Variants in CSPP1 observed in about 807,000 individuals in gnomAD.
CSPP1 encodes the protein centrosome and spindle pole associated protein 1.
CSPP1 carries 126 observed loss-of-function variants against 164.4 expected under a neutral mutation model. That is an observed-to-expected ratio of 0.77 (90% CI 0.66 to 0.89). The LOEUF is 0.89. CSPP1 is among the 40% of genes least tolerant of loss of function. The probability of loss-of-function intolerance (pLI) is 0.00; values close to 1 mark genes in which losing one functional copy is unlikely to be tolerated. For synonymous variants in CSPP1, 472 were observed against 476.7 expected (o/e 0.99, Z 0.13); for missense variants, 1,395 against 1,449.8 (o/e 0.96, Z 0.61).
At chr8:67,131,327 C>T (rs2129554081) in intron 15 of CSPP1, among the ~76,000 whole-genome samples, 1 of 152,176 alleles carries the variant, frequency 6.6e-6, no homozygotes, top group South Asian at 2.1e-4. Context: ...ATCAAGGCTG[C>T]AGTCAGCTAT....
chr8:67,078,133 G>A (rs113720891), intron 3 of CSPP1, among the ~76,000 whole-genome samples: 3,033 of 152,060 alleles, frequency 0.02, 70 homozygotes, highest in South Asian at 0.046. Flanking sequence ...CACTAAGGTC[G>A]CTAAGGTTAG....
rs193192483 is a variant in CSPP1, at chr8:67,112,450, A to C, written c.1187+385A>C. ...ATGCACACACACATACATGCAAAAA[A>C]AATTGTATCCTATAAATTTAACATT... On this transcript the variant is annotated intron_variant, in intron 10 of 30. Coordinates refer to ENST00000678616, the MANE Select transcript of CSPP1 (RefSeq NM_001382391.1). Among the ~76,000 whole-genome samples, 613 of 151,940 alleles carry C rather than the reference A, an allele frequency of 4.0e-3. 1 individual carries two copies. The highest frequency in any genetic ancestry group is 8.9e-3 in the South Asian group (43 of 4,806).
intron 6 of CSPP1, among the ~76,000 whole-genome samples, chr8:67,094,134 A>AG (rs1351017566): frequency 2.7e-5 from 4 of 149,788 alleles, no homozygotes; most frequent in African/African-American, 7.3e-5. Flanking sequence ...AAAAAAAAAA[A>AG]AAAAAAAAAA....
At chr8:67,103,188 A>T in intron 8 of CSPP1, 53 bp downstream of exon 8, 1 of 1,105,612 alleles carries the variant, frequency 9.0e-7, no homozygotes, top group Non-Finnish European at 1.4e-6. Context: ...GTGAAACAGA[A>T]TGTGCCTAAA....
chr8:67,067,759 G>A (rs1043666450), intron 1 of CSPP1, among the ~76,000 whole-genome samples: 13 of 152,078 alleles, frequency 8.5e-5, no homozygotes, highest in Non-Finnish European at 1.5e-4. Context: ...CACAACGCGC[G>A]GCTGCAGGCT....
At chr8:67,126,464 T>G (rs1317747690) in intron 15 of CSPP1, among the ~76,000 whole-genome samples, 1 of 152,200 alleles carries the variant, frequency 6.6e-6, no homozygotes, top group Non-Finnish European at 1.5e-5. Context: ...TCTGTTAGGA[T>G]AGCTTAATAG....
At chr8:67,182,221 G>A (rs543472923) in intron 28 of CSPP1, among the ~76,000 whole-genome samples, 5 of 152,118 alleles carry the variant, frequency 3.3e-5, no homozygotes, top group South Asian at 4.2e-4. Context: ...CAGGTTGGTC[G>A]CGAACTCTTG....
chr8:67,140,635 A>G (rs1379304305), intron 17 of CSPP1, among the ~76,000 whole-genome samples: 1 of 152,234 alleles, frequency 6.6e-6, no homozygotes, highest in Admixed American at 6.5e-5. Flanking sequence ...TTTAAACTAC[A>G]GGTATTAAAG....
intron 3 of CSPP1, among the ~76,000 whole-genome samples, chr8:67,085,775 C>A (rs920505074): frequency 6.6e-6 from 1 of 151,996 alleles, no homozygotes; most frequent in African/African-American, 2.4e-5. Context: ...GTTTGTTGTT[C>A]TGGACAGGAG....
intron 1 of CSPP1, among the ~76,000 whole-genome samples, chr8:67,072,291 A>G (rs913780767): frequency 2.0e-5 from 3 of 152,102 alleles, no homozygotes; most frequent in African/African-American, 7.2e-5. Context: ...CTGTCTCAAA[A>G]AAAAAAAAGA....
Position 67,064,774 on chromosome 8 carries a change from G to T in CSPP1, c.-11+236G>T, listed in dbSNP as rs76181500. 32,427 of 388,954 alleles carry T rather than the reference G, an allele frequency of 0.083. 2,699 individuals carry two copies. Among genetic ancestry groups the T allele is most frequent in the East Asian group, 0.27 (4,383 of 16,398 alleles). The allele number at this position is 388,954 out of a possible 1,614,324, so 24.1% of individuals were successfully genotyped here. A position where few individuals can be genotyped will look rare whatever the true frequency, so the allele number is the denominator to read the frequency against. On this transcript the variant is annotated intron_variant, in intron 1 of 30. Coordinates refer to ENST00000678616, the MANE Select transcript of CSPP1 (RefSeq NM_001382391.1). ...GAGGTGCCCGAGTTAAGGGTGTGGA[G>T]AGTTGGGATTTCGCCGCCGTGAGGC...
intron 1 of CSPP1, among the ~76,000 whole-genome samples, chr8:67,066,694 T>C (rs1378702654): frequency 6.6e-6 from 1 of 152,192 alleles, no homozygotes; most frequent in African/African-American, 2.4e-5. Context: ...GGGGGCATTA[T>C]CTTGTCCAAA....
At position 67,105,991 on chromosome 8, in the gene CSPP1, C is replaced by A. The variant is rs377075348; in HGVS notation, c.1093+16C>A. 3 of 1,403,042 alleles carry A rather than the reference C, an allele frequency of 2.1e-6. No homozygotes were observed. The highest frequency in any genetic ancestry group is 2.0e-6 in the Non-Finnish European group (2 of 987,932). The allele number at this position is 1,403,042 out of a possible 1,614,324, so 86.9% of individuals were successfully genotyped here. On this transcript the variant is annotated intron_variant, in intron 9 of 30. Coordinates refer to ENST00000678616, the MANE Select transcript of CSPP1 (RefSeq NM_001382391.1). ...ATGCTCTTTGGTAGGCACAAAACTT[C>A]CAACTAGTTGCGCTTGTATAGAGTG...
At chr8:67,118,715 TTTTTTG>T in intron 14 of CSPP1, 22 bp from the exon 15 acceptor site, 1 of 1,485,316 alleles carries the variant, frequency 6.7e-7, no homozygotes, top group Non-Finnish European at 9.2e-7. Context: ...TAAATAAACT[TTTTTTG>T]TTTTTTTGTT....
intron 9 of CSPP1, among the ~76,000 whole-genome samples, chr8:67,108,659 A>T (rs910432069): frequency 2.0e-5 from 3 of 152,060 alleles, no homozygotes; most frequent in Admixed American, 6.6e-5. Flanking sequence ...TCCGCAGTAT[A>T]TTGCTGTTGA....
intron 29 of CSPP1, among the ~76,000 whole-genome samples, chr8:67,193,051 CTA>C (rs890136313): frequency 6.6e-6 from 1 of 152,116 alleles, no homozygotes; most frequent in African/African-American, 2.4e-5. Flanking sequence ...TATACGTGCT[CTA>C]TATTTTCATG....
At chr8:67,132,151 G>T in intron 16 of CSPP1, 71 bp downstream of exon 16, 2 of 1,435,020 alleles carry the variant, frequency 1.4e-6, no homozygotes, top group Non-Finnish European at 1.9e-6. Flanking sequence ...AGAGCTCAGA[G>T]TGTGGCCGGG....
chr8:67,172,588 C>A, intron 25 of CSPP1, 33 bp downstream of exon 25: 1 of 1,573,402 alleles, frequency 6.4e-7, no homozygotes, highest in Non-Finnish European at 8.7e-7. Flanking sequence ...AAAGATGTAG[C>A]AGAAGTGTTC....
At position 67,130,348 on chromosome 8, in the gene CSPP1, C is replaced by T. The variant is rs552709786; in HGVS notation, c.1698-1603C>T. Among the ~76,000 whole-genome samples, 21 of 152,228 alleles carry T rather than the reference C, an allele frequency of 1.4e-4. No homozygotes were observed. In the South Asian group the frequency reaches 4.4e-3, roughly 32 times the overall value. On this transcript the variant is annotated intron_variant, in intron 15 of 30. Coordinates refer to ENST00000678616, the MANE Select transcript of CSPP1 (RefSeq NM_001382391.1). ...TCTGTGAGTATGTGGGCAATATAGACGGGAGGGATCATGAGTGAAATAGAT... is the reference window on the plus strand; with the variant it reads ...TCTGTGAGTATGTGGGCAATATAGATGGGAGGGATCATGAGTGAAATAGAT...
Sources: allele counts gnomAD v4.1 joint callset (sites outside exome capture counted in the v4.1 genomes callset), GRCh38; gene constraint gnomAD v4.1.1; transcripts MANE v1.5; gene names NCBI Gene and HGNC (gene_info 2026-07-23, HGNC 2026-07-21).